CSMD2: variants seen among roughly 807,000 people sequenced by gnomAD.
CSMD2 encodes the protein CUB and Sushi multiple domains 2.
A neutral mutation model predicts 398.5 loss-of-function variants in CSMD2; 130 were observed. The observed-to-expected ratio is 0.33, with a 90% confidence interval of 0.28 to 0.38. The LOEUF (loss-of-function observed/expected upper bound fraction) is 0.38. Among genes scored for constraint, CSMD2 ranks in the 10% least tolerant of loss-of-function variants. The pLI is 1.00. For synonymous variants in CSMD2, 1,828 were observed against 1,908.5 expected, an observed-to-expected ratio of 0.96 and a Z score of 1.10; for missense variants, 3,829 against 4,764.9, an observed-to-expected ratio of 0.80 and a Z score of 5.78.
At chr1:33,610,688 C>T (rs956994963) in intron 41 of CSMD2, among the ~76,000 whole-genome samples, 4 of 152,104 alleles carry the variant, frequency 2.6e-5, no homozygotes, top group African/African-American at 9.7e-5. Context: ...AGGGAAGGAC[C>T]CTGGGGAAGT....
chr1:33,807,764 A>G (rs1387663868), intron 10 of CSMD2, among the ~76,000 whole-genome samples: 2 of 152,164 alleles, frequency 1.3e-5, no homozygotes, highest in Admixed American at 6.5e-5. Context: ...TGCTATTTCT[A>G]GAGTATTTTA....
chr1:33,583,556 G>C (rs993286523), intron 47 of CSMD2, 86 bp downstream of exon 47: 1 of 1,361,118 alleles, frequency 7.3e-7, no homozygotes, highest in Non-Finnish European at 1.0e-6. Flanking sequence ...AGCCCTGATA[G>C]GAAAACTGCA....
At chr1:34,032,868 G>A (rs898099365) in intron 2 of CSMD2, among the ~76,000 whole-genome samples, 162 bp from the exon 3 acceptor site, 3 of 152,186 alleles carry the variant, frequency 2.0e-5, no homozygotes, top group African/African-American at 7.2e-5. Flanking sequence ...AAACCAGCAG[G>A]CTTCTGCCCC....
intron 25 of CSMD2, among the ~76,000 whole-genome samples, chr1:33,664,660 G>A (rs577334340): frequency 7.9e-5 from 12 of 151,992 alleles, no homozygotes; most frequent in East Asian, 5.8e-4. Flanking sequence ...AAAATTAGCC[G>A]GGCGAGGTGG....
intron 1 of CSMD2, among the ~76,000 whole-genome samples, chr1:34,120,966 T>C (rs1229149163): frequency 6.6e-6 from 1 of 152,230 alleles, no homozygotes; most frequent in African/African-American, 2.4e-5. Flanking sequence ...TAGGAGCTCT[T>C]ACCACCCAAC....
Position 33,960,510 on chromosome 1 carries a change from G to A in CSMD2, c.518-24556C>T, listed in dbSNP as rs920293262. On this transcript the variant is annotated intron_variant, in intron 3 of 70. Transcript: ENST00000373381. The stretch of plus-strand genomic sequence containing the variant: ...AGTCTGGGCCAGCCATCGGGGACAG[G>A]GACATTGATCAGACATAGGTCCTGC... 6.6e-5 allele frequency among the ~76,000 whole-genome samples: 10 copies of A among 152,198 alleles called. No homozygotes were observed. The South Asian group carries it at 8.3e-4, about 13-fold the overall frequency.
At chr1:33,726,841 C>T (rs989675860) in intron 15 of CSMD2, among the ~76,000 whole-genome samples, 156 bp from the exon 16 acceptor site, 5 of 152,124 alleles carry the variant, frequency 3.3e-5, no homozygotes, top group Admixed American at 3.3e-4. Context: ...CTACTGGGAC[C>T]TTTATGGGTA....
chr1:34,108,209 T>A (rs558888530), intron 1 of CSMD2, among the ~76,000 whole-genome samples: 1 of 152,186 alleles, frequency 6.6e-6, no homozygotes, highest in South Asian at 2.1e-4. Flanking sequence ...TGTGCCCTTA[T>A]GTGAGACATA....
intron 1 of CSMD2, among the ~76,000 whole-genome samples, chr1:34,110,049 A>AAC (rs1249423364): frequency 1.3e-5 from 2 of 150,944 alleles, no homozygotes; most frequent in Non-Finnish European, 3.0e-5. Context: ...TCAAAAAAAA[A>AAC]AAAAAAAAAA....
intron 25 of CSMD2, among the ~76,000 whole-genome samples, chr1:33,675,173 A>G (rs934405393): frequency 3.3e-5 from 5 of 152,056 alleles, no homozygotes; most frequent in South Asian, 2.1e-4. Context: ...TCCAGGAGCT[A>G]GTTTTTTGAA....
chr1:33,619,538 C>A (rs973156938), intron 37 of CSMD2, among the ~76,000 whole-genome samples: 3 of 152,144 alleles, frequency 2.0e-5, no homozygotes, highest in African/African-American at 7.2e-5. Context: ...TCACATATAA[C>A]AAAATGCAAA....
chr1:33,748,585 T>C (rs1647720849), intron 13 of CSMD2, among the ~76,000 whole-genome samples: 1 of 152,008 alleles, frequency 6.6e-6, no homozygotes, highest in African/African-American at 2.4e-5. Context: ...TGTTTTTCTT[T>C]TGGTGTTGTC....
intron 53 of CSMD2, among the ~76,000 whole-genome samples, chr1:33,564,080 CA>C: frequency 1.3e-5 from 1 of 79,178 alleles, no homozygotes; most frequent in African/African-American, 3.1e-5. Flanking sequence ...CCATCATCTT[CA>C]TCATCATCAT....
chr1:33,620,768 C>G (rs1641715154), intron 37 of CSMD2, among the ~76,000 whole-genome samples: 1 of 151,024 alleles, frequency 6.6e-6, no homozygotes, highest in Non-Finnish European at 1.5e-5. Flanking sequence ...CCTGTCCTAC[C>G]CTTTACCCTG....
intron 66 of CSMD2, 21 bp downstream of exon 66, chr1:33,524,861 A>T: frequency 6.2e-7 from 1 of 1,611,632 alleles, no homozygotes; most frequent in Middle Eastern, 1.7e-4. Flanking sequence ...CCCGGCTTTC[A>T]TAGAGGGGCC....
At chr1:34,078,233 G>A (rs141043544) in intron 2 of CSMD2, among the ~76,000 whole-genome samples, 1 of 151,856 alleles carries the variant, frequency 6.6e-6, no homozygotes, top group African/African-American at 2.4e-5. Flanking sequence ...CCCACTGTCT[G>A]TGTGGGAAGG....
In CSMD2 at chr1:33,680,527, C is replaced by T. The variant is rs190659514; in HGVS notation, c.4052+12403G>A. The stretch of plus-strand genomic sequence containing the variant: ...CTCAGCATCTGAGTCTTGCACTCCG[C>T]CCAGGCACCTGACTTTAGCTCTTTG... On this transcript the variant is annotated intron_variant, in intron 25 of 70. Coordinates refer to ENST00000373381, the MANE Select transcript of CSMD2 (RefSeq NM_001281956.2). Among the ~76,000 whole-genome samples the T allele has an allele frequency of 2.0e-3, 303 of 152,254 alleles. 8 individuals are homozygous for T. Among genetic ancestry groups the T allele is most frequent in the Admixed American group, 0.019 (285 of 15,294 alleles).
At chr1:33,916,731 T>C (rs1386048554) in intron 5 of CSMD2, among the ~76,000 whole-genome samples, 1 of 152,214 alleles carries the variant, frequency 6.6e-6, no homozygotes, top group African/African-American at 2.4e-5. Context: ...GAGCCTATAC[T>C]TGGGAAGAAT....
At chr1:33,766,204 T>C (rs1650471877) in intron 13 of CSMD2, among the ~76,000 whole-genome samples, 1 of 152,168 alleles carries the variant, frequency 6.6e-6, no homozygotes, top group Non-Finnish European at 1.5e-5. Flanking sequence ...TGTGGGTGTT[T>C]ATGTGTGCGT....
Sources: gnomAD v4.1 joint callset for allele counts (sites outside exome capture counted in the v4.1 genomes callset) on GRCh38, gnomAD v4.1.1 for gene constraint, MANE v1.5 for transcripts, NCBI Gene and HGNC (gene_info 2026-07-23, HGNC 2026-07-21) for gene names.